The following AKAP6 variants were observed in gnomAD, a reference collection of about 807,000 sequenced individuals.
The protein encoded by AKAP6 is A-kinase anchoring protein 6.
Under a neutral mutation model 188.5 loss-of-function variants are expected in AKAP6, and 58 were observed. That is an observed-to-expected ratio of 0.31 (90% confidence interval 0.25 to 0.38). AKAP6 has a LOEUF of 0.38. AKAP6 is among the 10% of genes least tolerant of loss of function. AKAP6 has a pLI of 1.00. For missense variants in AKAP6, 2,710 were observed against 2,740.0 expected, an observed-to-expected ratio of 0.99 and a Z score of 0.24; for synonymous variants, 989 against 998.6, an observed-to-expected ratio of 0.99 and a Z score of 0.18.
intron 1 of AKAP6, among the ~76,000 whole-genome samples, chr14:32,359,131 A>G (rs1887574672): frequency 6.6e-6 from 1 of 152,188 alleles, no homozygotes; most frequent in Non-Finnish European, 1.5e-5. Context: ...AGAGACGCAT[A>G]ACAACTCTAA....
chr14:32,565,630 G>A (rs1275958449), intron 4 of AKAP6, among the ~76,000 whole-genome samples: 1 of 152,190 alleles, frequency 6.6e-6, no homozygotes, highest in Non-Finnish European at 1.5e-5. Context: ...CTTCTAAGAA[G>A]CCAATCAGAT....
At chr14:32,518,498 A>C (rs1007403259) in intron 2 of AKAP6, among the ~76,000 whole-genome samples, 3 of 152,220 alleles carry the variant, frequency 2.0e-5, no homozygotes, top group African/African-American at 7.2e-5. Flanking sequence ...AAAAGACCTT[A>C]AATGAACTGT....
At chr14:32,738,799 C>A (rs2031548766) in intron 11 of AKAP6, among the ~76,000 whole-genome samples, 1 of 152,128 alleles carries the variant, frequency 6.6e-6, no homozygotes, top group Non-Finnish European at 1.5e-5. Context: ...TCTGTAAAAG[C>A]CGGATAATAG....
intron 5 of AKAP6, among the ~76,000 whole-genome samples, chr14:32,596,132 A>G (rs971332792): frequency 6.6e-6 from 1 of 152,148 alleles, no homozygotes; most frequent in Non-Finnish European, 1.5e-5. Context: ...ATTTGATACT[A>G]CTAAGATTGA....
intron 1 of AKAP6, among the ~76,000 whole-genome samples, chr14:32,392,113 C>T (rs1379533665): frequency 6.6e-6 from 1 of 152,058 alleles, no homozygotes; most frequent in East Asian, 1.9e-4. Context: ...AATATAACAA[C>T]AGTGAATGGG....
At chr14:32,553,929 C>T (rs1002295265) in intron 4 of AKAP6, among the ~76,000 whole-genome samples, 1 of 152,096 alleles carries the variant, frequency 6.6e-6, no homozygotes, top group African/African-American at 2.4e-5. Context: ...AAATTCAAAG[C>T]CAGAAGCGAA....
chr14:32,476,063 C>A (rs562015850), intron 2 of AKAP6, among the ~76,000 whole-genome samples: 20 of 152,022 alleles, frequency 1.3e-4, no homozygotes, highest in Non-Finnish European at 2.2e-4. Context: ...TAATTATTAT[C>A]TATTTGGTAC....
rs1240386392 is a variant in AKAP6 at position 32,836,035 on chromosome 14, A to G, written c.*6230A>G. 6.6e-6 allele frequency: 1 copy of G among 152,262 alleles called. No individual in the cohort carries two copies. Among genetic ancestry groups the G allele is most frequent in the African/African-American group, 2.4e-5 (1 of 41,472 alleles). 9.4% of individuals were successfully genotyped at this position (152,262 alleles called of 1,614,324 possible). On this transcript the variant is annotated 3_prime_UTR_variant, in exon 14 of 14. Transcript: ENST00000280979. ...GGCCCTTGATTAATGGGTTCTCACC[A>G]AAGCAGAAATTACGCAGAGCTTATT...
intron 1 of AKAP6, among the ~76,000 whole-genome samples, chr14:32,413,006 A>T (rs1032422818): frequency 6.6e-6 from 1 of 152,106 alleles, no homozygotes; most frequent in Non-Finnish European, 1.5e-5. Flanking sequence ...AGTGTCTTCT[A>T]GATTTCTACT....
At chr14:32,477,029 G>T (rs2138883236) in intron 2 of AKAP6, among the ~76,000 whole-genome samples, 1 of 152,282 alleles carries the variant, frequency 6.6e-6, no homozygotes, top group African/African-American at 2.4e-5. Flanking sequence ...CTAAAAATTT[G>T]TGATCAGCAG....
At chr14:32,538,271 C>T (rs1346064476) in intron 3 of AKAP6, among the ~76,000 whole-genome samples, 1 of 152,052 alleles carries the variant, frequency 6.6e-6, no homozygotes, top group Non-Finnish European at 1.5e-5. Context: ...AAATTATCAG[C>T]TTTCTCAGAA....
intron 1 of AKAP6, among the ~76,000 whole-genome samples, chr14:32,391,073 C>A (rs1005973830): frequency 6.6e-6 from 1 of 152,140 alleles, no homozygotes; most frequent in Non-Finnish European, 1.5e-5. Context: ...CAGTTGTTCC[C>A]TGAGACCCAG....
rs534822341 is a variant in AKAP6 at position 32,383,321 on chromosome 14, A to G, written c.-34-50139A>G. ...GTAATAGATCAAGGCTTTTTAATAGAAAACAAGACAGGACTGTACCTGTCA... is the reference window on the plus strand; with the variant it reads ...GTAATAGATCAAGGCTTTTTAATAGGAAACAAGACAGGACTGTACCTGTCA... On this transcript the variant is annotated intron_variant, in intron 1 of 13. Coordinates refer to ENST00000280979, the MANE Select transcript of AKAP6 (RefSeq NM_004274.5). Among the ~76,000 whole-genome samples the G allele has an allele frequency of 2.6e-5, 4 of 152,290 alleles. No homozygotes were observed. In the South Asian group the frequency reaches 8.3e-4, roughly 32 times the overall value.
rs142586458 is a variant in AKAP6, at chr14:32,706,661, A to T, written c.3000+10551A>T. On this transcript the variant is annotated intron_variant, in intron 9 of 13. Coordinates refer to ENST00000280979, the MANE Select transcript of AKAP6 (RefSeq NM_004274.5). ...GAGCCTTCCTAAGCATATTTTTAAT[A>T]ATGTGGGCTTTTGTGAAACTCATAC... is the stretch of plus-strand genomic sequence containing the variant. 3.5e-4 allele frequency among the ~76,000 whole-genome samples: 53 copies of T among 152,240 alleles called. 1 individual carries two copies. The East Asian group carries it at 9.6e-3, about 28-fold the overall frequency.
chr14:32,391,848 A>G lies in AKAP6; in HGVS notation c.-34-41612A>G, dbSNP rs958883211. Among the ~76,000 whole-genome samples, 35 of 152,294 alleles carry G rather than the reference A, an allele frequency of 2.3e-4. 1 individual carries two copies. The highest frequency in any genetic ancestry group is 3.4e-3 in the Middle Eastern group (1 of 294). ...AATCAATTAAAGCTCTTTTCTTTAT[A>G]TATTACCCAGTCTCAGATATTTCTT... On this transcript the variant is annotated intron_variant, in intron 1 of 13. Transcript: ENST00000280979.
chr14:32,792,182 A>G (rs961483985), intron 12 of AKAP6, among the ~76,000 whole-genome samples: 4 of 152,176 alleles, frequency 2.6e-5, no homozygotes, highest in African/African-American at 9.7e-5. Context: ...CTTCATGGGA[A>G]TAGCATTGAA....
At chr14:32,753,490 A>G (rs1438870101) in intron 11 of AKAP6, among the ~76,000 whole-genome samples, 1 of 151,980 alleles carries the variant, frequency 6.6e-6, no homozygotes, top group Non-Finnish European at 1.5e-5. Flanking sequence ...CACTCTGTTG[A>G]TTGTTTCCTT....
intron 2 of AKAP6, among the ~76,000 whole-genome samples, chr14:32,496,125 T>G (rs2138964447): frequency 6.6e-6 from 1 of 152,332 alleles, no homozygotes; most frequent in South Asian, 2.1e-4. Context: ...TTATTCAAAC[T>G]TATACCTCAT....
At chr14:32,502,233 A>G (rs1394453931) in intron 2 of AKAP6, among the ~76,000 whole-genome samples, 1 of 152,142 alleles carries the variant, frequency 6.6e-6, no homozygotes, top group Non-Finnish European at 1.5e-5. Flanking sequence ...TGCTTGGATA[A>G]GCTGTTTTAT....
Sources: allele counts gnomAD v4.1 joint callset (sites outside exome capture counted in the v4.1 genomes callset), GRCh38; gene constraint gnomAD v4.1.1; transcripts MANE v1.5; gene names NCBI Gene and HGNC (gene_info 2026-07-23, HGNC 2026-07-21).